Variants in ZNF148 observed in about 807,000 individuals in gnomAD.
ZNF148 encodes the protein Beta-Enolase Repressor Factor-1.
A neutral mutation model predicts 67.7 loss-of-function variants in ZNF148; 7 were observed. The ratio of observed to expected loss-of-function variants is 0.10; its 90% CI spans 0.06 to 0.19. The LOEUF is 0.19. Ranked by LOEUF, ZNF148 falls within the 10% of genes least tolerant of loss-of-function variation. The pLI, the probability that ZNF148 is intolerant of heterozygous loss-of-function variation, is 1.00. For missense variants in ZNF148, 583 were observed against 947.1 expected, an observed-to-expected ratio of 0.62 and a Z score of 5.05; for synonymous variants, 333 against 330.7, an observed-to-expected ratio of 1.01 and a Z score of -0.08.
chr3:125,286,690 A>T (rs1227887456), intron 5 of ZNF148, among the ~76,000 whole-genome samples: 1 of 152,196 alleles, frequency 6.6e-6, no homozygotes, highest in African/African-American at 2.4e-5. Flanking sequence ...CTAATAAATG[A>T]TTACAAAAAA....
chr3:125,243,475 T>C (rs1560108944), intron 7 of ZNF148, among the ~76,000 whole-genome samples: 2 of 152,210 alleles, frequency 1.3e-5, no homozygotes, highest in Non-Finnish European at 2.9e-5. Context: ...GAAGTAGTGA[T>C]AATGGGCTCT....
intron 5 of ZNF148, among the ~76,000 whole-genome samples, chr3:125,280,010 A>G (rs1203980661): frequency 6.6e-6 from 1 of 152,094 alleles, no homozygotes; most frequent in Admixed American, 6.5e-5. Context: ...AAAAAAGAGA[A>G]CACTAACTTT....
intron 4 of ZNF148, among the ~76,000 whole-genome samples, chr3:125,299,552 C>T (rs770002822): frequency 6.6e-6 from 1 of 152,074 alleles, no homozygotes; most frequent in South Asian, 2.1e-4. Context: ...AAATCTTCTA[C>T]CAACAATTCA....
intron 3 of ZNF148, among the ~76,000 whole-genome samples, chr3:125,320,088 A>G (rs957870745): frequency 5.9e-5 from 9 of 152,070 alleles, no homozygotes; most frequent in African/African-American, 1.7e-4. Context: ...CCAATTTTCT[A>G]TCTGTTACTC....
chr3:125,254,266 G>A (rs1010730447), intron 7 of ZNF148, among the ~76,000 whole-genome samples: 5 of 152,006 alleles, frequency 3.3e-5, no homozygotes, highest in African/African-American at 1.2e-4. Context: ...TTTGATAGTG[G>A]GCTGAGGTTT....
rs746245783 is a variant in ZNF148 at position 125,367,706 on chromosome 3, C to T, written c.-234+7396G>A. 3.3e-5 allele frequency among the ~76,000 whole-genome samples: 5 copies of T among 152,126 alleles called. No homozygotes were observed. The East Asian group carries it at 5.8e-4, about 18-fold the overall frequency. The stretch of plus-strand genomic sequence containing the variant: ...GCCCTCAGTTCTGTCTATTCTATTC[C>T]GTAATTCAGAAAGCAGCTTTGAGAA... On this transcript the variant is annotated intron_variant, in intron 1 of 8. Coordinates refer to ENST00000360647, the MANE Select transcript of ZNF148 (RefSeq NM_021964.3).
At chr3:125,302,385 AAAAAGAAAAAAAG>A (rs1358648301) in intron 4 of ZNF148, among the ~76,000 whole-genome samples, 2 of 152,012 alleles carry the variant, frequency 1.3e-5, no homozygotes, top group Non-Finnish European at 2.9e-5. Context: ...CTCAAAAAAA[AAAAAGAAAAAAAG>A]AAAAGAAAAA....
rs1029574349 is a variant in ZNF148 at position 125,306,337 on chromosome 3, C to A, written c.333+6971G>T. Among the ~76,000 whole-genome samples the A allele has an allele frequency of 1.4e-4, 21 of 151,858 alleles. No individual in the cohort carries two copies. In the East Asian group the frequency reaches 3.7e-3, roughly 26 times the overall value. On this transcript the variant is annotated intron_variant, in intron 4 of 8. Coordinates refer to ENST00000360647, the MANE Select transcript of ZNF148 (RefSeq NM_021964.3). ...AAAAGTTAAAGTGAATAGTGAAAAT[C>A]GATAAAACCGAAACTTCACTATTTG...
chr3:125,285,388 T>TA (rs1560140694), intron 5 of ZNF148, among the ~76,000 whole-genome samples: 1 of 152,074 alleles, frequency 6.6e-6, no homozygotes. Context: ...TGAGAAAATG[T>TA]AAAATTACTC....
chr3:125,319,432 T>C (rs1017199298), intron 3 of ZNF148, among the ~76,000 whole-genome samples: 2 of 152,156 alleles, frequency 1.3e-5, no homozygotes, highest in Non-Finnish European at 2.9e-5. Flanking sequence ...AATGGACAAG[T>C]TGGGCACTAC....
intron 7 of ZNF148, among the ~76,000 whole-genome samples, chr3:125,256,970 T>G (rs1374632296): frequency 3.7e-4 from 4 of 10,742 alleles, no homozygotes; most frequent in Non-Finnish European, 8.4e-4. Context: ...ACTTCCAGTT[T>G]TTTTTTTTTT....
intron 1 of ZNF148, 59 bp from the exon 2 acceptor site, chr3:125,331,297 T>A (rs574928462): frequency 2.5e-6 from 1 of 398,104 alleles, no homozygotes; most frequent in African/African-American, 2.1e-5. Flanking sequence ...AACATAGTCT[T>A]AAAGAAGTCA....
chr3:125,242,135 C>T (rs561025980), intron 7 of ZNF148, among the ~76,000 whole-genome samples: 3 of 152,268 alleles, frequency 2.0e-5, no homozygotes, highest in African/African-American at 7.2e-5. Context: ...CCTGGCCTTT[C>T]CCCTGCCCTT....
intron 3 of ZNF148, among the ~76,000 whole-genome samples, chr3:125,320,019 G>C (rs1014668440): frequency 2.0e-5 from 3 of 152,098 alleles, no homozygotes; most frequent in African/African-American, 7.2e-5. Context: ...AGAACTTTCC[G>C]ACACAGAATC....
chr3:125,281,844 C>T (rs1056177676), intron 5 of ZNF148, among the ~76,000 whole-genome samples: 1 of 152,004 alleles, frequency 6.6e-6, no homozygotes, highest in African/African-American at 2.4e-5. Flanking sequence ...TCTTTTTAGG[C>T]CAGAGTAATA....
At chr3:125,326,595 A>G (rs1941027222) in intron 2 of ZNF148, among the ~76,000 whole-genome samples, 1 of 150,742 alleles carries the variant, frequency 6.6e-6, no homozygotes, top group African/African-American at 2.4e-5. Context: ...ATCTACCTGT[A>G]TCTATGCAAA....
chr3:125,360,420 G>C (rs778615742), intron 1 of ZNF148, among the ~76,000 whole-genome samples: 1 of 152,062 alleles, frequency 6.6e-6, no homozygotes, highest in African/African-American at 2.4e-5. Flanking sequence ...TGAGTAACTG[G>C]AACTATAGGT....
chr3:125,341,286 T>C (rs934627948), intron 1 of ZNF148, among the ~76,000 whole-genome samples: 29 of 142,622 alleles, frequency 2.0e-4, no homozygotes, highest in African/African-American at 7.5e-4. Context: ...AAAAGAAGCA[T>C]AGTCTTCAGA....
At chr3:125,322,947 T>C (rs1283024853) in intron 3 of ZNF148, among the ~76,000 whole-genome samples, 1 of 152,184 alleles carries the variant, frequency 6.6e-6, no homozygotes, top group Admixed American at 6.5e-5. Flanking sequence ...CTAACTTTCC[T>C]CGGTATGAAA....
Sources: allele counts gnomAD v4.1 joint callset (sites outside exome capture counted in the v4.1 genomes callset), GRCh38; gene constraint gnomAD v4.1.1; transcripts MANE v1.5; gene names NCBI Gene and HGNC (gene_info 2026-07-23, HGNC 2026-07-21).